DSG2: variants seen among roughly 807,000 people sequenced by gnomAD.
DSG2 encodes desmoglein 2, also known as desmoglein-2.
Under a neutral mutation model 75.6 loss-of-function variants are expected in DSG2, and 45 were observed. The ratio of observed to expected loss-of-function variants is 0.60; its 90% CI spans 0.47 to 0.76. The LOEUF (loss-of-function observed/expected upper bound fraction) is 0.76. DSG2 is among the 30% of genes least tolerant of loss of function. The pLI is 0.00. For synonymous variants in DSG2, 429 were observed against 483.9 expected, an observed-to-expected ratio of 0.89 and a Z score of 1.49; for missense variants, 1,267 against 1,357.4, an observed-to-expected ratio of 0.93 and a Z score of 1.05.
intron 14 of DSG2, among the ~76,000 whole-genome samples, chr18:31,545,461 G>T (rs1168496016): frequency 1.3e-5 from 2 of 152,048 alleles, no homozygotes; most frequent in African/African-American, 2.4e-5. Flanking sequence ...ATTCCATTTA[G>T]TTGTCCTGAC....
At chr18:31,528,831 A>AAAGCAG (rs910744700) in intron 8 of DSG2, among the ~76,000 whole-genome samples, 1 of 152,212 alleles carries the variant, frequency 6.6e-6, no homozygotes, top group African/African-American at 2.4e-5. Flanking sequence ...ATGGGGATAG[A>AAAGCAG]AAGCAGACTG....
intron 1 of DSG2, among the ~76,000 whole-genome samples, chr18:31,515,314 C>G (rs2073088560): frequency 6.6e-6 from 1 of 152,014 alleles, no homozygotes; most frequent in South Asian, 2.1e-4. Context: ...ACCGTGTTAG[C>G]CAGGATGGTC....
intron 1 of DSG2, among the ~76,000 whole-genome samples, chr18:31,513,397 T>TTGACCAAAA (rs2073077275): frequency 6.6e-6 from 1 of 152,148 alleles, no homozygotes; most frequent in Non-Finnish European, 1.5e-5. Flanking sequence ...AGGAGAATCT[T>TTGACCAAAA]TTGTAGGGTC....
At chr18:31,500,717 C>G (rs974640895) in intron 1 of DSG2, among the ~76,000 whole-genome samples, 1 of 152,064 alleles carries the variant, frequency 6.6e-6, no homozygotes, top group Non-Finnish European at 1.5e-5. Context: ...GCTGTGTCAC[C>G]CACATAGCTA....
At chr18:31,540,725 T>C (rs182510955) in intron 12 of DSG2, among the ~76,000 whole-genome samples, 2 of 152,358 alleles carry the variant, frequency 1.3e-5, no homozygotes, top group Admixed American at 1.3e-4. Context: ...CCTTGGTCTT[T>C]GCTTCCTCCT....
intron 1 of DSG2, among the ~76,000 whole-genome samples, chr18:31,498,823 G>A (rs1057015699): frequency 7.9e-5 from 12 of 152,272 alleles, no homozygotes; most frequent in African/African-American, 2.6e-4. Flanking sequence ...TTTTAAAAAG[G>A]TGTAATTTAC....
At position 31,541,277 on chromosome 18, in the gene DSG2, A is replaced by T; in HGVS notation, c.1964A>T (p.His655Leu). Residue 655 changes from histidine (H) to leucine (L), a missense_variant, in exon 13 of 15, where the codon CAT (histidine) becomes CTT (leucine). Physicochemically the swap from His to Leu is moderately conservative, Grantham distance 99. Transcript: ENST00000261590. ...ATACCTGGCACCATAGAGATGCTGC[A>T]TCCTTGGAATAATGAAGGAGCACCA... ...TPIPGTIEML[H>L]PWNNEGAPPE... 1 of 1,614,132 alleles carries T rather than the reference A, an allele frequency of 6.2e-7. No homozygotes were observed. The highest frequency in any genetic ancestry group is 8.5e-7 in the Non-Finnish European group (1 of 1,179,986).
intron 6 of DSG2, among the ~76,000 whole-genome samples, chr18:31,522,863 A>C (rs746888756): frequency 4.6e-5 from 7 of 152,222 alleles, no homozygotes; most frequent in Middle Eastern, 3.2e-3. Flanking sequence ...GAATTACTCT[A>C]AATCCCAAAT....
In DSG2 at chr18:31,521,086, G is replaced by A; in HGVS notation, c.379-13G>A. On this transcript the variant is annotated splice_polypyrimidine_tract_variant and intron_variant, in intron 4 of 14. Transcript: ENST00000261590. ...TTAGCTTAAATCTAATCTTATTTAT[G>A]TCATGATTTCAGCTAACAGGTTACG... 2 of 1,613,654 alleles carry A rather than the reference G, an allele frequency of 1.2e-6. No individual in the cohort carries two copies. Among genetic ancestry groups the A allele is most frequent in the Non-Finnish European group, 1.7e-6 (2 of 1,179,872 alleles).
chr18:31,508,018 T>C (rs908559464), intron 1 of DSG2, among the ~76,000 whole-genome samples: 1 of 152,248 alleles, frequency 6.6e-6, no homozygotes, highest in African/African-American at 2.4e-5. Flanking sequence ...ATATCCTGAA[T>C]GGTATTGCCT....
rs186195335 is a variant in DSG2, at chr18:31,537,794, G to A, written c.1652-957G>A. ...GAGGCGGGTGGATCACTTGAGGTCAGGAGTTTGAGACCAGCCTGGCCAACA... is the reference window on the plus strand; with the variant it reads ...GAGGCGGGTGGATCACTTGAGGTCAAGAGTTTGAGACCAGCCTGGCCAACA... On this transcript the variant is annotated intron_variant, in intron 11 of 14. Coordinates refer to ENST00000261590, the MANE Select transcript of DSG2 (RefSeq NM_001943.5). 2.6e-3 allele frequency among the ~76,000 whole-genome samples: 394 copies of A among 152,124 alleles called. 3 individuals are homozygous for A. The highest frequency in any genetic ancestry group is 9.1e-3 in the African/African-American group (379 of 41,516).
In DSG2 at chr18:31,546,726, C is replaced by T. The variant is rs776078563; in HGVS notation, c.3340C>T (p.Gln1114Ter). Residue 1114 changes from glutamine to a stop codon, truncating the protein, a stop_gained, in exon 15 of 15, where the codon CAG becomes TAG. Transcript: ENST00000261590. LOFTEE classifies it high-confidence loss of function. ...CAGAGTTACCAAGCATAGCACTGTA[C>T]AGCATTCTTACTCCTAAACAGCAGT... ...STRVTKHSTV[Q>*]HSYS is the part of the protein sequence containing the mutation. 6 of 1,614,032 alleles carry T rather than the reference C, an allele frequency of 3.7e-6. No individual in the cohort carries two copies. Among genetic ancestry groups the T allele is most frequent in the African/African-American group, 1.3e-5 (1 of 74,906 alleles).
chr18:31,503,747 C>A (rs1453716323), intron 1 of DSG2, among the ~76,000 whole-genome samples: 1 of 152,092 alleles, frequency 6.6e-6, no homozygotes, highest in African/African-American at 2.4e-5. Context: ...GCCCAGAGAC[C>A]ATGGGGTACC....
chr18:31,527,102 C>G (rs1434054996), intron 8 of DSG2, among the ~76,000 whole-genome samples: 1 of 152,114 alleles, frequency 6.6e-6, no homozygotes, highest in Non-Finnish European at 1.5e-5. Context: ...GGTGAGTGCT[C>G]TATACAGCTG....
Position 31,536,356 on chromosome 18 carries a change from T to C in DSG2, c.1578T>C (p.Ser526=), listed in dbSNP as rs781526501. 3 of 1,614,188 alleles carry C rather than the reference T, an allele frequency of 1.9e-6. No individual in the cohort carries two copies. The highest frequency in any genetic ancestry group is 4.5e-5 in the East Asian group (2 of 44,876). Residue 526 remains serine, a synonymous_variant, in exon 11 of 15, where the codon AGT becomes AGC. Transcript: ENST00000261590. ...AGGACCTGGATGGACACCCAAACAG[T>C]GGCCCTTTCAGTTTCTCCGTCATTG... ...TAEDLDGHPN[S]GPFSFSVIDK...
chr18:31,540,567 G>T (rs10502573), intron 12 of DSG2, among the ~76,000 whole-genome samples: 1 of 152,002 alleles, frequency 6.6e-6, no homozygotes, highest in South Asian at 2.1e-4. Flanking sequence ...CTTATTAATC[G>T]TAGTAGCTGT....
chr18:31,531,509 A>C (rs2073198737), intron 9 of DSG2, among the ~76,000 whole-genome samples: 1 of 152,234 alleles, frequency 6.6e-6, no homozygotes, highest in Non-Finnish European at 1.5e-5. Flanking sequence ...TTCTGGCTAG[A>C]GATGGCTAAA....
At chr18:31,501,159 A>G (rs773512473) in intron 1 of DSG2, among the ~76,000 whole-genome samples, 9 of 152,164 alleles carry the variant, frequency 5.9e-5, no homozygotes, top group Non-Finnish European at 8.8e-5. Flanking sequence ...AACTATTTCA[A>G]TATAATTGGG....
chr18:31,540,374 TG>T (rs770610943), intron 12 of DSG2, among the ~76,000 whole-genome samples: 1 of 152,204 alleles, frequency 6.6e-6, no homozygotes, highest in Non-Finnish European at 1.5e-5. Flanking sequence ...GTAAATGACT[TG>T]TCTCAGCTTA....
Sources: gnomAD v4.1 joint callset for allele counts (sites outside exome capture counted in the v4.1 genomes callset) on GRCh38, gnomAD v4.1.1 for gene constraint, MANE v1.5 for transcripts, NCBI Gene and HGNC (gene_info 2026-07-23, HGNC 2026-07-21) for gene names.